The following DOCK7 variants were observed in gnomAD, a reference collection of about 807,000 sequenced individuals.
DOCK7 encodes the protein dedicator of cytokinesis protein 7.
In DOCK7, 138 loss-of-function variants were observed where a neutral mutation model predicts 271.0. The ratio of observed to expected loss-of-function variants is 0.51; its 90% CI spans 0.44 to 0.59. DOCK7 has a LOEUF of 0.59. Among genes scored for constraint, DOCK7 ranks in the 20% least tolerant of loss-of-function variants. The pLI is 0.00. For synonymous variants in DOCK7, 823 were observed against 876.1 expected (o/e 0.94, Z 1.07); for missense variants, 2,066 against 2,592.4 (o/e 0.80, Z 4.41).
chr1:62,607,308 C>A (rs530730867), intron 14 of DOCK7, among the ~76,000 whole-genome samples: 44 of 152,258 alleles, frequency 2.9e-4, no homozygotes, highest in African/African-American at 1.0e-3. Context: ...TTCTTTATAT[C>A]CATTAATATG....
intron 20 of DOCK7, 80 bp from the exon 21 acceptor site, chr1:62,556,069 T>A (rs1352390506): frequency 7.1e-7 from 1 of 1,406,316 alleles, no homozygotes; most frequent in East Asian, 2.3e-5. Context: ...CATTTTGTCA[T>A]CTTTGCATAC....
chr1:62,496,588 A>G, intron 37 of DOCK7, 91 bp from the exon 38 acceptor site: 3 of 1,225,582 alleles, frequency 2.4e-6, no homozygotes, highest in Non-Finnish European at 3.4e-6. Context: ...ATTTAGTGAA[A>G]AAATACCATT....
intron 21 of DOCK7, among the ~76,000 whole-genome samples, chr1:62,553,830 CACAG>C (rs964340132): frequency 2.6e-4 from 32 of 122,586 alleles, no homozygotes; most frequent in African/African-American, 8.0e-4. Flanking sequence ...AACACACACA[CACAG>C]ACGTGTGCGT....
chr1:62,507,235 G>A (rs1415821687), intron 35 of DOCK7, among the ~76,000 whole-genome samples: 1 of 152,168 alleles, frequency 6.6e-6, no homozygotes, highest in Non-Finnish European at 1.5e-5. Context: ...CAGAGTAGTG[G>A]TAGTAGAAAA....
At chr1:62,598,085 C>A (rs1289657754) in intron 14 of DOCK7, 1 of 1,553,378 alleles carries the variant, frequency 6.4e-7, no homozygotes, top group South Asian at 1.3e-5. Context: ...AAAGAGGGTT[C>A]ATGTTTATGT....
intron 34 of DOCK7, 55 bp from the exon 35 acceptor site, chr1:62,508,113 GAA>G (rs1646996281): frequency 2.0e-6 from 3 of 1,488,740 alleles, no homozygotes; most frequent in East Asian, 2.5e-5. Context: ...CTACAATTCT[GAA>G]AAGACTTAAG....
At chr1:62,607,420 T>C (rs2149553260) in intron 14 of DOCK7, among the ~76,000 whole-genome samples, 1 of 152,344 alleles carries the variant, frequency 6.6e-6, no homozygotes, top group South Asian at 2.1e-4. Flanking sequence ...GCCACCAAGT[T>C]CAATACAATC....
chr1:62,609,653 ATAT>A (rs1439985821), intron 14 of DOCK7: 2 of 152,176 alleles, frequency 1.3e-5, no homozygotes, highest in Non-Finnish European at 2.9e-5. Context: ...CTAACTGAAC[ATAT>A]TATAATTCTC....
Position 62,631,818 on chromosome 1 carries a change from T to A in DOCK7, c.1117-413A>T, listed in dbSNP as rs541070761. Among the ~76,000 whole-genome samples, 59 of 152,280 alleles carry A rather than the reference T, an allele frequency of 3.9e-4. 1 individual carries two copies. The highest frequency in any genetic ancestry group is 1.4e-3 in the African/African-American group (57 of 41,554). ...AAGTAGCTGAGCACATTTGAAATAG[T>A]CCCTAACATATAACAACCATGAGTT... On this transcript the variant is annotated intron_variant, in intron 10 of 49. Coordinates refer to ENST00000635253, the MANE Select transcript of DOCK7 (RefSeq NM_001367561.1).
intron 31 of DOCK7, among the ~76,000 whole-genome samples, chr1:62,519,289 T>C (rs1022576694): frequency 3.3e-5 from 5 of 152,140 alleles, no homozygotes; most frequent in African/African-American, 9.7e-5. Context: ...TAGAATGCTG[T>C]AACTAACAAT....
chr1:62,653,552 A>C (rs937752223), intron 4 of DOCK7, among the ~76,000 whole-genome samples, 173 bp downstream of exon 4: 1 of 152,214 alleles, frequency 6.6e-6, no homozygotes, highest in African/African-American at 2.4e-5. Flanking sequence ...AGAAAGTAAA[A>C]GTATTACAGA....
intron 15 of DOCK7, among the ~76,000 whole-genome samples, chr1:62,583,949 A>G (rs572506739): frequency 2.0e-5 from 3 of 152,290 alleles, no homozygotes; most frequent in African/African-American, 4.8e-5. Context: ...GATTAGATAA[A>G]TGGCTCAATG....
intron 35 of DOCK7, among the ~76,000 whole-genome samples, chr1:62,506,471 CTT>C (rs11311703): frequency 2.0e-5 from 3 of 147,846 alleles, no homozygotes; most frequent in Non-Finnish European, 3.0e-5. Flanking sequence ...CTGATAAAAT[CTT>C]TTTTTTTTTG....
chr1:62,498,750 C>A (rs1646694882), intron 37 of DOCK7, among the ~76,000 whole-genome samples: 1 of 151,812 alleles, frequency 6.6e-6, no homozygotes, highest in Non-Finnish European at 1.5e-5. Flanking sequence ...AGACATAATA[C>A]TGCATCTGTT....
intron 8 of DOCK7, among the ~76,000 whole-genome samples, chr1:62,636,061 G>A (rs1457992664): frequency 6.6e-6 from 1 of 152,192 alleles, no homozygotes; most frequent in Non-Finnish European, 1.5e-5. Context: ...GATCATCCTG[G>A]CTAACACGGT....
chr1:62,566,450 G>T (rs1163948758), intron 18 of DOCK7, among the ~76,000 whole-genome samples: 2 of 152,160 alleles, frequency 1.3e-5, no homozygotes, highest in African/African-American at 4.8e-5. Flanking sequence ...ATGGGGAAAG[G>T]ATTCCCTATT....
At chr1:62,604,572 T>C in intron 14 of DOCK7, 1 of 1,511,890 alleles carries the variant, frequency 6.6e-7, no homozygotes, top group South Asian at 1.1e-5. Context: ...TACGGGGAAA[T>C]ACAGTAACAG....
intron 48 of DOCK7, among the ~76,000 whole-genome samples, chr1:62,465,462 T>C (rs141954010): frequency 2.9e-3 from 394 of 135,616 alleles, no homozygotes; most frequent in African/African-American, 9.4e-3. Flanking sequence ...GATATATGAA[T>C]CCAGTGTAAA....
intron 4 of DOCK7, among the ~76,000 whole-genome samples, chr1:62,650,605 A>G (rs1183075863): frequency 6.6e-6 from 1 of 152,234 alleles, no homozygotes; most frequent in Non-Finnish European, 1.5e-5. Context: ...CAAGAAAAAA[A>G]CAAACAACCC....
Sources: allele counts gnomAD v4.1 joint callset (sites outside exome capture counted in the v4.1 genomes callset), GRCh38; gene constraint gnomAD v4.1.1; transcripts MANE v1.5; gene names NCBI Gene and HGNC (gene_info 2026-07-23, HGNC 2026-07-21).